Variants in SCHIP1 observed in about 807,000 individuals in gnomAD.
The protein encoded by SCHIP1 is schwannomin-interacting protein 1.
SCHIP1 carries 8 observed loss-of-function variants against 29.7 expected under a neutral mutation model. The observed-to-expected ratio is 0.27, with a 90% confidence interval of 0.16 to 0.49. The LOEUF (loss-of-function observed/expected upper bound fraction) is 0.49, where lower values mean the gene tolerates loss of function less well. Among genes scored for constraint, SCHIP1 ranks in the 20% least tolerant of loss-of-function variants. The probability of loss-of-function intolerance (pLI) is 0.99; values close to 1 mark genes in which losing one functional copy is unlikely to be tolerated. For synonymous variants in SCHIP1, 76 were observed against 94.9 expected (o/e 0.80, Z 1.16); for missense variants, 193 against 294.6 (o/e 0.66, Z 2.52).
chr3:159,517,394 A>G, the SCHIP1 span, among the ~76,000 whole-genome samples: 1 of 152,168 alleles, frequency 6.6e-6, no homozygotes, highest in Admixed American at 6.6e-5. Context: ...CCTGCTACCC[A>G]GTACATATTT....
the SCHIP1 span, among the ~76,000 whole-genome samples, chr3:159,711,821 G>T: frequency 6.6e-6 from 1 of 152,318 alleles, no homozygotes; most frequent in African/African-American, 2.4e-5. Flanking sequence ...TTGCTGACAG[G>T]GAACAATGAA....
At chr3:159,762,926 CTTGA>C in the SCHIP1 span, among the ~76,000 whole-genome samples, 1 of 152,184 alleles carries the variant, frequency 6.6e-6, no homozygotes, top group Admixed American at 6.5e-5. Context: ...TTAAGGTCCC[CTTGA>C]TTGGAGGTGG....
chr3:159,748,580 CT>C, the SCHIP1 span, among the ~76,000 whole-genome samples: 24 of 152,340 alleles, frequency 1.6e-4, no homozygotes, highest in African/African-American at 5.8e-4. Flanking sequence ...TGCCCAGCTC[CT>C]ACCTGGGCTA....
the SCHIP1 span, among the ~76,000 whole-genome samples, chr3:159,378,737 GTTA>G: frequency 6.9e-6 from 1 of 144,078 alleles, no homozygotes; most frequent in African/African-American, 2.5e-5. Flanking sequence ...ACCATCACCT[GTTA>G]TTATCACGCA....
chr3:159,653,749 TAAA>T, the SCHIP1 span, among the ~76,000 whole-genome samples: 100 of 108,852 alleles, frequency 9.2e-4, no homozygotes, highest in African/African-American at 2.1e-3. Flanking sequence ...GAACTTAAAG[TAAA>T]AAAAAAAAAA....
the SCHIP1 span, among the ~76,000 whole-genome samples, chr3:159,472,247 T>C: frequency 6.6e-6 from 1 of 152,152 alleles, no homozygotes; most frequent in Non-Finnish European, 1.5e-5. Flanking sequence ...AAGAGTTGTG[T>C]GTAGAGAAAA....
At chr3:159,591,960 G>C in the SCHIP1 span, among the ~76,000 whole-genome samples, 1 of 149,572 alleles carries the variant, frequency 6.7e-6, no homozygotes, top group Non-Finnish European at 1.5e-5. Flanking sequence ...ACTAAAAAAT[G>C]TGGAGGGCCC....
the SCHIP1 span, among the ~76,000 whole-genome samples, chr3:159,679,420 G>T: frequency 6.6e-6 from 1 of 152,178 alleles, no homozygotes; most frequent in Admixed American, 6.5e-5. Flanking sequence ...GAGTAAACAA[G>T]TTGTAGATGA....
chr3:159,659,442 G>T, the SCHIP1 span, among the ~76,000 whole-genome samples: 1 of 152,182 alleles, frequency 6.6e-6, no homozygotes, highest in Non-Finnish European at 1.5e-5. Context: ...ATCTCTAAAT[G>T]GTGTGCCTTT....
chr3:159,773,900 G>T, the SCHIP1 span, among the ~76,000 whole-genome samples: 1 of 152,204 alleles, frequency 6.6e-6, no homozygotes, highest in South Asian at 2.1e-4. Context: ...GAAAAGGCTA[G>T]TAGGAAAGTA....
chr3:159,585,225 C>T, the SCHIP1 span, among the ~76,000 whole-genome samples: 4 of 151,972 alleles, frequency 2.6e-5, no homozygotes, highest in African/African-American at 9.7e-5. Flanking sequence ...ACAAGGGCAA[C>T]AATCTTTGCT....
chr3:159,507,167 T>A, the SCHIP1 span, among the ~76,000 whole-genome samples: 1 of 152,222 alleles, frequency 6.6e-6, no homozygotes, highest in Non-Finnish European at 1.5e-5. Context: ...TAGTTTTCCT[T>A]GAAGAGGTCC....
the SCHIP1 span, among the ~76,000 whole-genome samples, chr3:159,649,688 G>A: frequency 6.6e-6 from 1 of 152,168 alleles, no homozygotes; most frequent in Non-Finnish European, 1.5e-5. Flanking sequence ...GAACAAAATA[G>A]GTATGCTGTG....
At chr3:159,662,638 C>T in the SCHIP1 span, among the ~76,000 whole-genome samples, 2 of 152,138 alleles carry the variant, frequency 1.3e-5, no homozygotes, top group African/African-American at 4.8e-5. Flanking sequence ...AGAATATATG[C>T]ACATTTTAAA....
At chr3:159,499,986 C>T in the SCHIP1 span, among the ~76,000 whole-genome samples, 1 of 105,930 alleles carries the variant, frequency 9.4e-6, no homozygotes, top group African/African-American at 3.5e-5. Context: ...TCATTTTATA[C>T]ATTTTTTTTT....
chr3:159,823,084 A>G, the SCHIP1 span, among the ~76,000 whole-genome samples: 12 of 152,124 alleles, frequency 7.9e-5, no homozygotes, highest in African/African-American at 2.9e-4. Context: ...AGGGTTGGAC[A>G]GAGCCATATG....
exon 1 of SCHIP1, chr3:159,839,909 G>T (rs1267472908): frequency 2.2e-5 from 30 of 1,392,098 alleles, no homozygotes; most frequent in Non-Finnish European, 2.7e-5. Flanking sequence ...GGTGATGAGC[G>T]CCCCCTCCCC....
At chr3:159,623,075 A>G in the SCHIP1 span, among the ~76,000 whole-genome samples, 3 of 152,196 alleles carry the variant, frequency 2.0e-5, no homozygotes, top group East Asian at 5.8e-4. Context: ...TGATTGAACC[A>G]TAGTTAATTC....
the SCHIP1 span, among the ~76,000 whole-genome samples, chr3:159,667,227 A>G: frequency 6.6e-6 from 1 of 152,192 alleles, no homozygotes; most frequent in Non-Finnish European, 1.5e-5. Flanking sequence ...ACATGAGATG[A>G]CAGGGCAAAG....
Sources: allele counts gnomAD v4.1 joint callset (sites outside exome capture counted in the v4.1 genomes callset), GRCh38; gene constraint gnomAD v4.1.1; transcripts MANE v1.5; gene names NCBI Gene and HGNC (gene_info 2026-07-23, HGNC 2026-07-21).